Variants in ITSN1 observed in about 807,000 individuals in gnomAD.
ITSN1 encodes intersectin-1.
A neutral mutation model predicts 239.8 loss-of-function variants in ITSN1; 58 were observed. The observed-to-expected ratio is 0.24, with a 90% confidence interval of 0.20 to 0.30. The LOEUF is 0.30. ITSN1 is among the 10% of genes least tolerant of loss of function. ITSN1 has a pLI of 1.00. For missense variants in ITSN1, 1,558 were observed against 2,103.3 expected (o/e 0.74, Z 5.07); for synonymous variants, 780 against 770.8 (o/e 1.01, Z -0.20).
intron 1 of ITSN1, among the ~76,000 whole-genome samples, chr21:33,715,884 C>T (rs551465355): frequency 6.6e-6 from 1 of 152,172 alleles, no homozygotes; most frequent in East Asian, 1.9e-4. Context: ...CACCACTGCA[C>T]TCCAGCCTGG....
Position 33,818,343 on chromosome 21 carries a change from A to T in ITSN1, c.2804A>T (p.Asn935Ile). Residue 935 changes from asparagine to isoleucine, a missense_variant, in exon 23 of 40, where the codon AAC (asparagine) becomes ATC (isoleucine). This residue lies in a region of ITSN1 where 982 missense variants were observed against 1,209.9 expected (regional missense o/e 0.81). Coordinates refer to ENST00000381318, the MANE Select transcript of ITSN1 (RefSeq NM_003024.3). ...AAAAAAGACAACCACTTAAATTTTA[A>T]CAAAAATGATGTCATCACCGTCCTG... ...RAKKDNHLNF[N>I]KNDVITVLEQ... is the part of the protein sequence containing the mutation. 1.2e-6 allele frequency: 2 copies of T among 1,614,256 alleles called. No homozygotes were observed. The highest frequency in any genetic ancestry group is 4.5e-5 in the East Asian group (2 of 44,892).
intron 16 of ITSN1, among the ~76,000 whole-genome samples, chr21:33,787,990 G>T (rs941335644): frequency 6.6e-6 from 1 of 151,728 alleles, no homozygotes; most frequent in Non-Finnish European, 1.5e-5. Context: ...TACAGCATGG[G>T]TTTTTTTTCT....
intron 1 of ITSN1, among the ~76,000 whole-genome samples, chr21:33,694,489 G>A (rs557579017): frequency 6.6e-6 from 1 of 152,170 alleles, no homozygotes; most frequent in East Asian, 1.9e-4. Flanking sequence ...TTTTGTTATT[G>A]GGTAAAATGG....
intron 29 of ITSN1, among the ~76,000 whole-genome samples, chr21:33,846,917 C>T (rs1165869293): frequency 6.6e-6 from 1 of 152,194 alleles, no homozygotes; most frequent in African/African-American, 2.4e-5. Context: ...TGTTCTTCAT[C>T]GTTCTTATAA....
intron 20 of ITSN1, among the ~76,000 whole-genome samples, chr21:33,803,079 T>C (rs2148102596): frequency 6.6e-6 from 1 of 152,316 alleles, no homozygotes; most frequent in South Asian, 2.1e-4. Flanking sequence ...GAAAAGATGC[T>C]TAGCTTCTTG....
At position 33,889,945 on chromosome 21, in the gene ITSN1, T is replaced by A. The variant is rs1986248712; in HGVS notation, c.*1645T>A. Reference sequence around the variant, plus strand: ...AAGAAATACTTTATTATTTATTTATTGAAGATAGTGTAGAATTTTGTATCA... The same window carrying A: ...AAGAAATACTTTATTATTTATTTATAGAAGATAGTGTAGAATTTTGTATCA... On this transcript the variant is annotated 3_prime_UTR_variant, in exon 40 of 40. Transcript: ENST00000381318. 6.6e-6 allele frequency: 1 copy of A among 152,236 alleles called. No individual in the cohort carries two copies. Among genetic ancestry groups the A allele is most frequent in the Non-Finnish European group, 1.5e-5 (1 of 68,042 alleles). The allele number at this position is 152,236 out of a possible 1,614,324, so 9.4% of individuals were successfully genotyped here.
At chr21:33,788,025 A>G (rs2070804659) in intron 16 of ITSN1, among the ~76,000 whole-genome samples, 1 of 152,198 alleles carries the variant, frequency 6.6e-6, no homozygotes, top group Non-Finnish European at 1.5e-5. Context: ...AAATTTAATA[A>G]AAGATAATTT....
chr21:33,865,182 G>T lies in ITSN1; in HGVS notation c.3922G>T (p.Glu1308Ter). The change falls in exon 32 of 40, where the codon GAG becomes TAG. Residue 1308 changes from glutamate (E) to a stop codon, truncating the protein, a stop_gained. Transcript: ENST00000381318. LOFTEE classifies it high-confidence loss of function. This position sits in a 1 kb window ranked among gnomAD's most constrained non-coding sequence, Gnocchi z 4.4. ...GAGAGTCCGCAAGAAGATGTCCGGG[G>T]AGAAGATGCCTGTGAAGATGATTGG... The part of the protein sequence containing the change: ...ALRVRKKMSG[E>*]KMPVKMIGDI... 6.2e-7 allele frequency: 1 copy of T among 1,613,978 alleles called. No homozygotes were observed. Among genetic ancestry groups the T allele is most frequent in the Non-Finnish European group, 8.5e-7 (1 of 1,179,946 alleles).
At chr21:33,838,419 A>G (rs560211366) in intron 29 of ITSN1, 3 of 983,584 alleles carry the variant, frequency 3.1e-6, no homozygotes, top group Middle Eastern at 5.2e-4. Context: ...AAATATATAA[A>G]CCTGCGGCTT....
intron 29 of ITSN1, among the ~76,000 whole-genome samples, chr21:33,848,452 G>A (rs2075051749): frequency 6.6e-6 from 1 of 152,196 alleles, no homozygotes; most frequent in Non-Finnish European, 1.5e-5. Context: ...TGGGTCTGTG[G>A]CCTTTGTTAT....
intron 29 of ITSN1, among the ~76,000 whole-genome samples, chr21:33,842,369 A>G (rs1162982632): frequency 1.3e-5 from 2 of 152,226 alleles, no homozygotes; most frequent in African/African-American, 4.8e-5. Flanking sequence ...CTGATTCTCA[A>G]AAATGTTTCA....
intron 19 of ITSN1, among the ~76,000 whole-genome samples, chr21:33,800,584 A>G (rs1260845855): frequency 6.6e-6 from 1 of 152,172 alleles, no homozygotes; most frequent in African/African-American, 2.4e-5. Flanking sequence ...AACAGAAAAT[A>G]GTTTAGAATT....
At chr21:33,826,696 G>A in intron 25 of ITSN1, 122 bp from the exon 26 acceptor site, 8 of 808,136 alleles carry the variant, frequency 9.9e-6, no homozygotes, top group Admixed American at 1.9e-5. Context: ...ACAGTGCTAT[G>A]TTTTCCCAGA....
chr21:33,786,307 C>T (rs1416495524), intron 16 of ITSN1, among the ~76,000 whole-genome samples: 1 of 152,110 alleles, frequency 6.6e-6, no homozygotes, highest in African/African-American at 2.4e-5. Context: ...ATTAAGAAAT[C>T]GGTAGTCTTC....
intron 33 of ITSN1, among the ~76,000 whole-genome samples, chr21:33,868,059 A>C (rs972293914): frequency 1.3e-5 from 2 of 152,212 alleles, no homozygotes; most frequent in African/African-American, 4.8e-5. Context: ...ACGGTGTGGA[A>C]AGGGACCGAG....
chr21:33,865,498 G>T lies in ITSN1; in HGVS notation c.4074+164G>T, dbSNP rs547149138. 8.8e-4 allele frequency among the ~76,000 whole-genome samples: 134 copies of T among 152,372 alleles called. No individual in the cohort carries two copies. Among genetic ancestry groups the T allele is most frequent in the Middle Eastern group, 3.4e-3 (1 of 294 alleles). ...AGGGGACTGGCACTCACTGGCAAGTGTGGCTGTCACCAAAGGGGTGGGCTT... is the reference window on the plus strand; with the variant it reads ...AGGGGACTGGCACTCACTGGCAAGTTTGGCTGTCACCAAAGGGGTGGGCTT... On this transcript the variant is annotated intron_variant, in intron 32 of 39. Coordinates refer to ENST00000381318, the MANE Select transcript of ITSN1 (RefSeq NM_003024.3). The surrounding 1 kb of genome is among the most constrained non-coding windows in gnomAD (Gnocchi z 4.4).
At chr21:33,772,369 C>T in intron 12 of ITSN1, 46 bp downstream of exon 12, 2 of 1,541,488 alleles carry the variant, frequency 1.3e-6, no homozygotes, top group Non-Finnish European at 1.8e-6. Flanking sequence ...GTGCGATCAC[C>T]CCTTTTCAGA....
chr21:33,737,331 C>G lies in ITSN1; in HGVS notation c.346+2127C>G, dbSNP rs1185972550. On this transcript the variant is annotated intron_variant, in intron 5 of 39. Coordinates refer to ENST00000381318, the MANE Select transcript of ITSN1 (RefSeq NM_003024.3). ...CCAGGCAGCCCATCACTCTTCCCCCCAGACTTCTCCCTGTCTTTCCTCACC... is the reference window on the plus strand; with the variant it reads ...CCAGGCAGCCCATCACTCTTCCCCCGAGACTTCTCCCTGTCTTTCCTCACC... 7.9e-5 allele frequency among the ~76,000 whole-genome samples: 12 copies of G among 152,264 alleles called. No individual in the cohort carries two copies. The East Asian group carries it at 2.3e-3, about 29-fold the overall frequency.
intron 11 of ITSN1, among the ~76,000 whole-genome samples, chr21:33,769,479 A>G (rs901863959): frequency 6.6e-5 from 10 of 152,168 alleles, no homozygotes; most frequent in Non-Finnish European, 1.5e-4. Context: ...ACAAAATAGC[A>G]TAGACCGGGC....
Sources: gnomAD v4.1 joint callset for allele counts (sites outside exome capture counted in the v4.1 genomes callset) on GRCh38, gnomAD v4.1.1 for gene constraint, gnomAD v4.1.1 regional missense constraint, Gnocchi (gnomAD v3.1) non-coding constraint, MANE v1.5 for transcripts, NCBI Gene and HGNC (gene_info 2026-07-23, HGNC 2026-07-21) for gene names.